HERC3: variants seen among roughly 807,000 people sequenced by gnomAD.
The protein encoded by HERC3 is HECT and RLD domain containing E3 ubiquitin protein ligase 3, also known as probable E3 ubiquitin-protein ligase HERC3.
In HERC3, 58 loss-of-function variants were observed where a neutral mutation model predicts 129.9. The observed-to-expected ratio is 0.45, with a 90% CI of 0.36 to 0.56. The LOEUF (loss-of-function observed/expected upper bound fraction) is 0.56, where lower values mean the gene tolerates loss of function less well. Among genes scored for constraint, HERC3 ranks in the 20% least tolerant of loss-of-function variants. HERC3 has a pLI of 0.00. For synonymous variants in HERC3, 430 were observed against 451.0 expected (o/e 0.95, Z 0.59); for missense variants, 835 against 1,244.2 (o/e 0.67, Z 4.95).
chr4:88,605,006 A>T (rs1723469440), intron 2 of HERC3, among the ~76,000 whole-genome samples: 1 of 152,234 alleles, frequency 6.6e-6, no homozygotes, highest in African/African-American at 2.4e-5. Context: ...ACTTTAGGCT[A>T]GGGTCAGTAA....
chr4:88,686,006 A>G (rs1733407568), intron 21 of HERC3, among the ~76,000 whole-genome samples: 1 of 152,152 alleles, frequency 6.6e-6, no homozygotes, highest in East Asian at 1.9e-4. Flanking sequence ...ATCTTTTAAA[A>G]TTATATTGTT....
chr4:88,600,348 C>A (rs940956639), intron 2 of HERC3, among the ~76,000 whole-genome samples: 13 of 152,144 alleles, frequency 8.5e-5, no homozygotes, highest in Admixed American at 5.2e-4. Flanking sequence ...TGAGGAAATA[C>A]AGGATTAGGT....
At chr4:88,662,301 A>T in intron 10 of HERC3, 130 bp from the exon 11 acceptor site, 1 of 850,590 alleles carries the variant, frequency 1.2e-6, no homozygotes, top group Non-Finnish European at 1.8e-6. Context: ...GGTGGAGGGG[A>T]TCTGGGCGGC....
At chr4:88,659,330 A>C (rs1182754765) in intron 10 of HERC3, among the ~76,000 whole-genome samples, 1 of 152,216 alleles carries the variant, frequency 6.6e-6, no homozygotes, top group African/African-American at 2.4e-5. Flanking sequence ...ATAATGAGCA[A>C]CTGTGGAAAC....
At chr4:88,664,126 TC>T in intron 11 of HERC3, 26 bp from the exon 12 acceptor site, 1 of 1,595,318 alleles carries the variant, frequency 6.3e-7, no homozygotes, top group Non-Finnish European at 8.6e-7. Context: ...ATTAAAGGCT[TC>T]CCCCTCCCTT....
chr4:88,657,528 C>G (rs1484855285), intron 9 of HERC3: 1 of 152,212 alleles, frequency 6.6e-6, no homozygotes, highest in East Asian at 1.9e-4. Context: ...AGTTTACCAA[C>G]TCAGGTGTTT....
the HERC3 span, among the ~76,000 whole-genome samples, chr4:88,580,676 G>A: frequency 1.3e-5 from 2 of 152,290 alleles, no homozygotes; most frequent in Admixed American, 6.5e-5. Context: ...TCATTAGGTG[G>A]TAAATGCTGC....
intron 3 of HERC3, among the ~76,000 whole-genome samples, chr4:88,618,309 TA>T (rs1459500748): frequency 6.6e-6 from 1 of 152,250 alleles, no homozygotes; most frequent in Non-Finnish European, 1.5e-5. Context: ...AGGTAGCTTT[TA>T]AAGTAGAAAA....
At chr4:88,532,604 A>G in the HERC3 span, among the ~76,000 whole-genome samples, 1 of 152,188 alleles carries the variant, frequency 6.6e-6, no homozygotes, top group Non-Finnish European at 1.5e-5. Context: ...ACAAACACAA[A>G]TAATGTGTTA....
chr4:88,539,345 C>T, the HERC3 span, among the ~76,000 whole-genome samples: 11 of 152,142 alleles, frequency 7.2e-5, no homozygotes, highest in Admixed American at 3.9e-4. Flanking sequence ...AATCAACCTG[C>T]GAGGCTGCAG....
chr4:88,572,556 G>A, the HERC3 span, among the ~76,000 whole-genome samples: 11 of 151,768 alleles, frequency 7.2e-5, no homozygotes, highest in Admixed American at 2.0e-4. Context: ...CACACCTGTA[G>A]TCCCAGCACT....
At chr4:88,663,934 T>C (rs1730776187) in intron 11 of HERC3, among the ~76,000 whole-genome samples, 1 of 152,172 alleles carries the variant, frequency 6.6e-6, no homozygotes, top group African/African-American at 2.4e-5. Flanking sequence ...GCTTTGATAT[T>C]CTTTTTTTTC....
At chr4:88,650,228 G>C (rs1729129557) in intron 4 of HERC3, among the ~76,000 whole-genome samples, 1 of 152,120 alleles carries the variant, frequency 6.6e-6, no homozygotes, top group Admixed American at 6.5e-5. Context: ...ATTTATTCTA[G>C]TAGCCTGTTT....
chr4:88,661,873 G>C (rs1324398979), intron 10 of HERC3, among the ~76,000 whole-genome samples: 2 of 152,104 alleles, frequency 1.3e-5, no homozygotes, highest in African/African-American at 2.4e-5. Context: ...GTTGAAGTTT[G>C]GTGGACATTT....
upstream of HERC3, among the ~76,000 whole-genome samples, chr4:88,591,438 G>A (rs1221951176): frequency 1.3e-5 from 2 of 152,142 alleles, no homozygotes; most frequent in Admixed American, 6.5e-5. Context: ...CAGGACGAGC[G>A]ATTGCAGACC....
At chr4:88,552,165 A>G in the HERC3 span, among the ~76,000 whole-genome samples, 1 of 151,620 alleles carries the variant, frequency 6.6e-6, no homozygotes, top group Admixed American at 6.6e-5. Flanking sequence ...GGATAGCATT[A>G]GGAGATATAC....
intron 14 of HERC3, 108 bp downstream of exon 14, chr4:88,668,189 A>G: frequency 2.2e-6 from 2 of 902,518 alleles, no homozygotes; most frequent in South Asian, 1.5e-5. Context: ...TTGCCATTTA[A>G]TATCCTTAAC....
intron 2 of HERC3, among the ~76,000 whole-genome samples, chr4:88,605,523 G>A (rs1723530796): frequency 6.6e-6 from 1 of 152,172 alleles, no homozygotes. Flanking sequence ...TCCTTTAGCA[G>A]TGATCTGAAA....
At chr4:88,584,844 A>G in the HERC3 span, among the ~76,000 whole-genome samples, 3 of 152,240 alleles carry the variant, frequency 2.0e-5, no homozygotes, top group Admixed American at 6.5e-5. Context: ...ACTAAGAGAC[A>G]TATCTTGAAA....
Sources: allele counts gnomAD v4.1 joint callset (sites outside exome capture counted in the v4.1 genomes callset), GRCh38; gene constraint gnomAD v4.1.1; transcripts MANE v1.5; gene names NCBI Gene and HGNC (gene_info 2026-07-23, HGNC 2026-07-21).